MACROD2: variants seen among roughly 807,000 people sequenced by gnomAD.
MACROD2 encodes the protein ADP-ribose glycohydrolase MACROD2.
MACROD2 carries 36 observed loss-of-function variants against 70.4 expected under a neutral mutation model. That is an observed-to-expected ratio of 0.51 (90% CI 0.39 to 0.68). The LOEUF is 0.68. MACROD2 is among the 30% of genes least tolerant of loss of function. The pLI, the probability that MACROD2 is intolerant of heterozygous loss-of-function variation, is 0.00. For synonymous variants in MACROD2, 172 were observed against 178.8 expected, an observed-to-expected ratio of 0.96 and a Z score of 0.30; for missense variants, 496 against 538.4, an observed-to-expected ratio of 0.92 and a Z score of 0.78.
chr20:15,493,741 G>T (rs1310754365), intron 7 of MACROD2, among the ~76,000 whole-genome samples: 1 of 152,202 alleles, frequency 6.6e-6, no homozygotes, highest in African/African-American at 2.4e-5. Flanking sequence ...TACTGTAGCT[G>T]CATTGGAACC....
intron 5 of MACROD2, among the ~76,000 whole-genome samples, chr20:14,784,994 C>T (rs2072350114): frequency 6.6e-6 from 1 of 151,962 alleles, no homozygotes; most frequent in Non-Finnish European, 1.5e-5. Flanking sequence ...AAAGAAAACT[C>T]AATGGAATAA....
At chr20:15,555,237 T>C (rs1204863523) in intron 8 of MACROD2, among the ~76,000 whole-genome samples, 1 of 152,164 alleles carries the variant, frequency 6.6e-6, no homozygotes, top group Non-Finnish European at 1.5e-5. Context: ...TATTCTCTGA[T>C]ATCTATTTCC....
At chr20:14,530,911 A>C (rs780298964) in intron 4 of MACROD2, among the ~76,000 whole-genome samples, 47 of 152,240 alleles carry the variant, frequency 3.1e-4, no homozygotes, top group Non-Finnish European at 6.0e-4. Flanking sequence ...AAACTTGCGC[A>C]GTCAGTAGCA....
At chr20:14,776,190 A>T (rs2072232250) in intron 5 of MACROD2, among the ~76,000 whole-genome samples, 1 of 151,982 alleles carries the variant, frequency 6.6e-6, no homozygotes, top group South Asian at 2.1e-4. Context: ...CTCATACAGC[A>T]TAGGGAGGGA....
Position 15,311,548 on chromosome 20 carries a change from G to T in MACROD2, c.540+81487G>T, listed in dbSNP as rs566023584. Among the ~76,000 whole-genome samples the T allele has an allele frequency of 3.3e-5, 5 of 152,240 alleles. No homozygotes were observed. In the East Asian group the frequency reaches 9.6e-4, roughly 29 times the overall value. ...AAAATCAACCTAGGTGCCCATCAGT[G>T]GTGGATTGGATAAAGAAAACGTGGT... On this transcript the variant is annotated intron_variant, in intron 6 of 17. Coordinates refer to ENST00000684519, the MANE Select transcript of MACROD2 (RefSeq NM_001351661.2).
intron 9 of MACROD2, among the ~76,000 whole-genome samples, chr20:15,868,498 G>T (rs753089206): frequency 1.3e-5 from 2 of 151,870 alleles, no homozygotes; most frequent in African/African-American, 2.4e-5. Flanking sequence ...TCTAATAAAA[G>T]TGTGGAACTA....
intron 3 of MACROD2, among the ~76,000 whole-genome samples, chr20:14,251,262 G>A (rs559563486): frequency 6.6e-6 from 1 of 152,034 alleles, no homozygotes; most frequent in African/African-American, 2.4e-5. Flanking sequence ...TTTTTCTCTT[G>A]GAAAACGTTC....
chr20:15,553,356 G>A (rs1013762453), intron 8 of MACROD2, among the ~76,000 whole-genome samples: 4 of 152,184 alleles, frequency 2.6e-5, no homozygotes, highest in Admixed American at 1.3e-4. Flanking sequence ...AATACATAGG[G>A]TCAGAAAGAC....
At position 14,326,728 on chromosome 20, in the gene MACROD2, T is replaced by C. The variant is rs2082742115; in HGVS notation, c.272-166751T>C. 2 of 1,613,654 alleles carry C rather than the reference T, an allele frequency of 1.2e-6. No homozygotes were observed. The highest frequency in any genetic ancestry group is 2.2e-5 in the East Asian group (1 of 44,866). ...AGAAAAAGCATTTGGGGGCACCCGA[T>C]TGATGTGGTTATCTTGAAGATAAAG... On this transcript the variant is annotated intron_variant, in intron 3 of 17. Coordinates refer to ENST00000684519, the MANE Select transcript of MACROD2 (RefSeq NM_001351661.2). The surrounding 1 kb of genome is among the most constrained non-coding windows in gnomAD (Gnocchi z 5.5).
At chr20:14,882,482 T>A (rs1157440926) in intron 5 of MACROD2, among the ~76,000 whole-genome samples, 1 of 152,200 alleles carries the variant, frequency 6.6e-6, no homozygotes, top group Non-Finnish European at 1.5e-5. Flanking sequence ...GAATACTCAG[T>A]TTGTGACACA....
rs1460967238 is a variant in MACROD2 at position 14,702,443 on chromosome 20, A to G, written c.418+17484A>G. 4.6e-5 allele frequency among the ~76,000 whole-genome samples: 7 copies of G among 151,394 alleles called. 1 individual carries two copies. Among genetic ancestry groups the G allele is most frequent in the Non-Finnish European group, 2.9e-5 (2 of 67,878 alleles). On this transcript the variant is annotated intron_variant, in intron 5 of 17. Transcript: ENST00000684519. ...TTCTACCAGAAGCACGGAAATAGCC[A>G]TAATCCATATACATGGTATTGTGTT...
chr20:15,862,710 T>G, intron 8 of MACROD2, 35 bp from the exon 9 acceptor site: 1 of 1,557,744 alleles, frequency 6.4e-7, no homozygotes, highest in South Asian at 1.1e-5. Context: ...TGCCATATTT[T>G]TTTTCACTTT....
intron 5 of MACROD2, chr20:14,850,046 G>T (rs185320503): frequency 2.0e-6 from 1 of 496,564 alleles, no homozygotes; most frequent in Non-Finnish European, 4.0e-6. Flanking sequence ...GATTGTTACA[G>T]ATCACAATGA....
chr20:14,295,567 G>C (rs544279767), intron 3 of MACROD2, among the ~76,000 whole-genome samples: 2 of 151,728 alleles, frequency 1.3e-5, no homozygotes, highest in South Asian at 2.1e-4. Context: ...GGACTGTGTG[G>C]GGGGGCTGGG....
intron 8 of MACROD2, among the ~76,000 whole-genome samples, chr20:15,773,468 A>C (rs964089214): frequency 6.6e-6 from 1 of 152,188 alleles, no homozygotes; most frequent in Non-Finnish European, 1.5e-5. Flanking sequence ...GATGATGATT[A>C]CAAAGCACTG....
rs2076429003 is a variant in MACROD2 at position 15,172,368 on chromosome 20, T to A, written c.419-57572T>A. Among the ~76,000 whole-genome samples the A allele has an allele frequency of 2.0e-5, 3 of 152,296 alleles. No individual in the cohort carries two copies. In the South Asian group the frequency reaches 6.2e-4, roughly 32 times the overall value. On this transcript the variant is annotated intron_variant, in intron 5 of 17. Transcript: ENST00000684519. Reference sequence around the variant, plus strand: ...GAGATCTACCAAGAGAAATTCCACTTGCCTTTATAAAATTGGTAAATATTT... The same window carrying A: ...GAGATCTACCAAGAGAAATTCCACTAGCCTTTATAAAATTGGTAAATATTT...
At chr20:15,583,364 G>C (rs1466558294) in intron 8 of MACROD2, among the ~76,000 whole-genome samples, 1 of 152,228 alleles carries the variant, frequency 6.6e-6, no homozygotes, top group East Asian at 1.9e-4. Flanking sequence ...CAAAGCTAAT[G>C]TCCCTGAAGT....
At chr20:15,078,735 C>T (rs1413370832) in intron 5 of MACROD2, among the ~76,000 whole-genome samples, 1 of 149,116 alleles carries the variant, frequency 6.7e-6, no homozygotes, top group Non-Finnish European at 1.5e-5. Flanking sequence ...CAATCTTCGA[C>T]TCCTGGGTTC....
intron 12 of MACROD2, among the ~76,000 whole-genome samples, chr20:15,943,556 T>C (rs1203422353): frequency 6.6e-6 from 1 of 152,104 alleles, no homozygotes; most frequent in East Asian, 1.9e-4. Flanking sequence ...GGCTGTCCTC[T>C]GCTAGTATAC....
Sources: gnomAD v4.1 joint callset for allele counts (sites outside exome capture counted in the v4.1 genomes callset) on GRCh38, gnomAD v4.1.1 for gene constraint, Gnocchi (gnomAD v3.1) non-coding constraint, MANE v1.5 for transcripts, NCBI Gene and HGNC (gene_info 2026-07-23, HGNC 2026-07-21) for gene names.